Variants in FGF13 observed in about 807,000 individuals in gnomAD.
The protein encoded by FGF13 is fibroblast growth factor 13, also known as fibroblast growth factor homologous factor 2.
A neutral mutation model predicts 19.5 loss-of-function variants in FGF13; 2 were observed. The observed-to-expected ratio is 0.10, with a 90% CI of 0.04 to 0.32. The LOEUF is 0.32. FGF13 is among the 10% of genes least tolerant of loss of function. FGF13 has a pLI of 1.00. For missense variants in FGF13, 113 were observed against 192.7 expected (o/e 0.59, Z 2.45); for synonymous variants, 72 against 76.9 (o/e 0.94, Z 0.33).
chrX:139,150,253 A>G (rs12396826), intron 1 of FGF13, among the ~76,000 whole-genome samples: 11,050 of 111,450 alleles, frequency 0.099, 1,080 homozygotes, highest in African/African-American at 0.3. Context: ...GTTGCAGGAT[A>G]AAGTGATCCC....
intron 3 of FGF13, among the ~76,000 whole-genome samples, chrX:138,800,887 T>C (rs971981308): frequency 8.9e-6 from 1 of 112,270 alleles, no homozygotes; most frequent in African/African-American, 3.2e-5. Context: ...CAACTGATAC[T>C]TGTGTATGCA....
At chrX:139,133,047 T>G (rs1256650535) in intron 1 of FGF13, among the ~76,000 whole-genome samples, 1 of 111,407 alleles carries the variant, frequency 9.0e-6, no homozygotes, top group East Asian at 2.8e-4. Flanking sequence ...ATTTGGGTAA[T>G]GCTAGGTTAC....
At chrX:138,805,190 C>T (rs186817705) in intron 3 of FGF13, among the ~76,000 whole-genome samples, 79 of 111,451 alleles carry the variant, frequency 7.1e-4, no homozygotes, top group Non-Finnish European at 1.1e-3. Flanking sequence ...CCCTCAGATA[C>T]GGATAACAAA....
At position 139,040,818 on chromosome X, in the gene FGF13, A is replaced by G. The variant is rs1013707404; in HGVS notation, c.-113+162598T>C. On this transcript the variant is annotated intron_variant, in intron 1 of 2. Coordinates refer to the FGF13 transcript ENST00000421460. ...ATGGAATCAACCTAAATGCCCATCA[A>G]TGATAGACTGGATAAAGAAAATGTG... 2.6e-4 allele frequency among the ~76,000 whole-genome samples: 29 copies of G among 111,315 alleles called. 1 individual carries two copies. The highest frequency in any genetic ancestry group is 3.8e-4 in the South Asian group (1 of 2,617).
chrX:138,806,361 C>T (rs2090867518), intron 3 of FGF13: 1 of 111,658 alleles, frequency 9.0e-6, no homozygotes, highest in African/African-American at 3.3e-5. Context: ...GTGGCCCATC[C>T]ACCACTGTAA....
chrX:138,950,639 T>C (rs2091806296), intron 1 of FGF13, among the ~76,000 whole-genome samples: 1 of 112,230 alleles, frequency 8.9e-6, no homozygotes, highest in African/African-American at 3.2e-5. Flanking sequence ...TGGAAAAGCA[T>C]TACATGTATT....
chrX:138,686,800 A>G (rs1406720520), intron 3 of FGF13, among the ~76,000 whole-genome samples: 2 of 112,123 alleles, frequency 1.8e-5, no homozygotes, highest in African/African-American at 6.5e-5. Context: ...TAGAATGTGT[A>G]TATATAAAGC....
intron 1 of FGF13, among the ~76,000 whole-genome samples, chrX:138,966,953 T>A (rs181381994): frequency 1.8e-5 from 2 of 111,490 alleles, no homozygotes; most frequent in East Asian, 5.7e-4. Context: ...TGCTCAGCAG[T>A]CATCATTCTC....
upstream of FGF13, chrX:138,715,826 G>C (rs186032892): frequency 3.6e-5 from 4 of 112,409 alleles, no homozygotes; most frequent in Non-Finnish European, 3.8e-5. Flanking sequence ...ATTCTTTTCA[G>C]AGAGAGTTAT....
rs967040711 is a variant in FGF13, at chrX:138,840,920, C to G, written c.217+16592G>C. On this transcript the variant is annotated intron_variant, in intron 3 of 6. Coordinates refer to the FGF13 transcript ENST00000436198. ...TTAGGTTCATGAAAGCATTAGGTCC[C>G]TGAAGTCAAGATTTGAGGCACTAAA... 6.3e-5 allele frequency among the ~76,000 whole-genome samples: 7 copies of G among 111,108 alleles called. 1 individual carries two copies. The highest frequency in any genetic ancestry group is 2.0e-4 in the African/African-American group (6 of 30,588).
chrX:138,720,618 GT>G (rs2090140827), intron 1 of FGF13, among the ~76,000 whole-genome samples: 1 of 111,865 alleles, frequency 8.9e-6, no homozygotes, highest in Admixed American at 9.5e-5. Context: ...AATATCCAGT[GT>G]TTTCAGAGCC....
At chrX:138,676,810 C>A (rs768860711) in intron 3 of FGF13, among the ~76,000 whole-genome samples, 1 of 112,172 alleles carries the variant, frequency 8.9e-6, no homozygotes, top group Admixed American at 9.5e-5. Flanking sequence ...GCTCCCCCAT[C>A]GCTCAGGTCC....
chrX:139,093,744 C>T (rs1385975828), intron 1 of FGF13, among the ~76,000 whole-genome samples: 1 of 111,796 alleles, frequency 8.9e-6, no homozygotes, highest in Non-Finnish European at 1.9e-5. Flanking sequence ...GCACTCAGGA[C>T]GCTGGGCTTA....
At chrX:138,772,032 A>ATATG (rs2090549642) in intron 3 of FGF13, among the ~76,000 whole-genome samples, 5 of 78,153 alleles carry the variant, frequency 6.4e-5, no homozygotes, top group African/African-American at 2.0e-4. Flanking sequence ...ATATATATAT[A>ATATG]TATATATATA....
intron 1 of FGF13, among the ~76,000 whole-genome samples, chrX:139,151,006 T>G (rs1409882784): frequency 9.1e-6 from 1 of 110,315 alleles, no homozygotes; most frequent in African/African-American, 3.3e-5. Flanking sequence ...GTTAGGAAGT[T>G]AAGACTCCTA....
intron 1 of FGF13, among the ~76,000 whole-genome samples, chrX:138,926,288 C>G (rs746381399): frequency 8.9e-6 from 1 of 112,323 alleles, no homozygotes; most frequent in African/African-American, 3.2e-5. Context: ...GTGTTTAAGA[C>G]ACTCCTTTAG....
intron 1 of FGF13, among the ~76,000 whole-genome samples, chrX:139,116,619 C>G (rs921039714): frequency 1.5e-4 from 17 of 111,391 alleles, no homozygotes; most frequent in African/African-American, 5.2e-4. Context: ...CATGGAAACA[C>G]TCTGGAAGTT....
rs2088956170 is a variant in FGF13 at position 138,614,972 on chromosome X, C to A, written c.*17878G>T. The stretch of plus-strand genomic sequence containing the variant: ...GTATGATGACATTTATATAACAATT[C>A]TGAAATAATAAAATTATAAGGATGA... On this transcript the variant is annotated 3_prime_UTR_variant, in exon 5 of 5. Transcript: ENST00000315930. The A allele has an allele frequency of 8.9e-6, 1 of 111,886 alleles. No individual in the cohort carries two copies. Among genetic ancestry groups the A allele is most frequent in the Admixed American group, 9.5e-5 (1 of 10,515 alleles). 9.2% of individuals were successfully genotyped at this position (111,886 alleles called of 1,213,427 possible).
At chrX:139,141,555 A>G (rs1052678754) in intron 1 of FGF13, among the ~76,000 whole-genome samples, 1 of 111,293 alleles carries the variant, frequency 9.0e-6, no homozygotes, top group Non-Finnish European at 1.9e-5. Context: ...CTATCATGGT[A>G]TTGTTTATTC....
Sources: gnomAD v4.1 joint callset for allele counts (sites outside exome capture counted in the v4.1 genomes callset) on GRCh38, gnomAD v4.1.1 for gene constraint, MANE v1.5 for transcripts, NCBI Gene and HGNC (gene_info 2026-07-23, HGNC 2026-07-21) for gene names.